The following BMPER variants were observed in gnomAD, a reference collection of about 807,000 sequenced individuals.
The protein encoded by BMPER is BMP binding endothelial regulator, also known as BMP-binding endothelial regulator protein.
A neutral mutation model predicts 87.3 loss-of-function variants in BMPER; 45 were observed. The ratio of observed to expected loss-of-function variants is 0.52; its 90% CI spans 0.41 to 0.66. The LOEUF (loss-of-function observed/expected upper bound fraction) is 0.66. Ranked by LOEUF, BMPER falls within the 30% of genes least tolerant of loss-of-function variation. The probability of loss-of-function intolerance (pLI) is 0.00; values close to 1 mark genes in which losing one functional copy is unlikely to be tolerated. For missense variants in BMPER, 784 were observed against 867.5 expected (o/e 0.90, Z 1.21); for synonymous variants, 326 against 316.2 (o/e 1.03, Z -0.33).
intron 9 of BMPER, among the ~76,000 whole-genome samples, chr7:34,057,254 T>C (rs1360253218): frequency 1.3e-5 from 2 of 152,180 alleles, no homozygotes; most frequent in Non-Finnish European, 2.9e-5. Context: ...TGATCTTTTT[T>C]ACCCACAAGC....
intron 6 of BMPER, among the ~76,000 whole-genome samples, chr7:34,037,630 T>C (rs1787715705): frequency 1.3e-5 from 2 of 152,196 alleles, no homozygotes; most frequent in South Asian, 4.1e-4. Context: ...ACTTAAGGGG[T>C]TGGTGCTGGC....
At chr7:34,019,512 A>T (rs1787124445) in intron 6 of BMPER, among the ~76,000 whole-genome samples, 1 of 152,060 alleles carries the variant, frequency 6.6e-6, no homozygotes, top group Non-Finnish European at 1.5e-5. Context: ...GAGCTCATGC[A>T]GCCTTCATGG....
chr7:34,031,995 A>G (rs931752317), intron 6 of BMPER, among the ~76,000 whole-genome samples: 3 of 140,346 alleles, frequency 2.1e-5, no homozygotes, highest in South Asian at 2.2e-4. Context: ...ATAAATATAT[A>G]TGTGTGTGTG....
At chr7:34,056,514 T>TCATATGTC (rs2127962544) in intron 9 of BMPER, among the ~76,000 whole-genome samples, 1 of 152,142 alleles carries the variant, frequency 6.6e-6, no homozygotes, top group Non-Finnish European at 1.5e-5. Flanking sequence ...TCAGAGATGC[T>TCATATGTC]CATATGTCCT....
chr7:33,949,147 A>G (rs947072620), intron 3 of BMPER, among the ~76,000 whole-genome samples: 10 of 150,396 alleles, frequency 6.6e-5, no homozygotes, highest in Admixed American at 6.0e-4. Context: ...CCTCAACTCA[A>G]TTTTTTTTTT....
chr7:33,926,982 C>T (rs1037765447), intron 2 of BMPER, among the ~76,000 whole-genome samples: 1 of 152,252 alleles, frequency 6.6e-6, no homozygotes, highest in Non-Finnish European at 1.5e-5. Context: ...GGATCCAGCT[C>T]TAAAGCTGAT....
At chr7:33,983,733 A>G (rs1357548751) in intron 6 of BMPER, among the ~76,000 whole-genome samples, 2 of 152,146 alleles carry the variant, frequency 1.3e-5, no homozygotes, top group African/African-American at 4.8e-5. Context: ...CAACCAGTGT[A>G]ATTTTGAGAT....
intron 9 of BMPER, 145 bp downstream of exon 9, chr7:34,055,448 T>A: frequency 1.8e-5 from 19 of 1,027,076 alleles, no homozygotes; most frequent in Non-Finnish European, 2.8e-5. Context: ...TAGAATGTAT[T>A]TATATTACAG....
In BMPER at chr7:34,138,450, C is replaced by G. The variant is rs184766443; in HGVS notation, c.1746-4780C>G. Among the ~76,000 whole-genome samples the G allele has an allele frequency of 3.3e-4, 50 of 152,304 alleles. 1 individual carries two copies. In the East Asian group the frequency reaches 8.5e-3, roughly 26 times the overall value. On this transcript the variant is annotated intron_variant, in intron 13 of 14. Transcript: ENST00000649409. ...GACAAAGCGCTGCCCAGCCTGGTGCCAGCTCCCTGGGCCCCTGCAGCAGCT... is the reference window on the plus strand; with the variant it reads ...GACAAAGCGCTGCCCAGCCTGGTGCGAGCTCCCTGGGCCCCTGCAGCAGCT...
At chr7:34,139,834 G>A (rs1460244313) in intron 13 of BMPER, among the ~76,000 whole-genome samples, 2 of 151,960 alleles carry the variant, frequency 1.3e-5, no homozygotes, top group South Asian at 2.1e-4. Flanking sequence ...ATCTAGCTCG[G>A]CCCTTATTAT....
In BMPER at chr7:33,936,874, C is replaced by T. The variant is rs140509350; in HGVS notation, c.220-415C>T. ...CACTCTACTATTAAGGATTGTTGGA[C>T]GGCCATGTGAAAATATTTTTGTTCT... is the stretch of plus-strand genomic sequence containing the variant. On this transcript the variant is annotated intron_variant, in intron 2 of 14. Coordinates refer to ENST00000649409, the MANE Select transcript of BMPER (RefSeq NM_001365308.1). Among the ~76,000 whole-genome samples the T allele has an allele frequency of 9.4e-4, 143 of 152,282 alleles. 1 individual carries two copies. The highest frequency in any genetic ancestry group is 3.4e-3 in the Middle Eastern group (1 of 294).
In BMPER at chr7:34,045,652, C is replaced by T. The variant is rs927856997; in HGVS notation, c.577-654C>T. Among the ~76,000 whole-genome samples the T allele has an allele frequency of 5.9e-5, 9 of 152,124 alleles. No homozygotes were observed. In the South Asian group the frequency reaches 1.9e-3, roughly 32 times the overall value. ...AATTAGTGAAAACAGATTTGGATAG[C>T]GTGGTGAATTCAGTGAAATAGTTCT... On this transcript the variant is annotated intron_variant, in intron 6 of 14. Coordinates refer to ENST00000649409, the MANE Select transcript of BMPER (RefSeq NM_001365308.1).
chr7:33,994,038 A>G (rs1305181809), intron 6 of BMPER, among the ~76,000 whole-genome samples: 1 of 152,332 alleles, frequency 6.6e-6, no homozygotes, highest in Admixed American at 6.5e-5. Context: ...TCAGACAGGG[A>G]CATTTAAGTC....
In BMPER at chr7:34,020,260, G is replaced by C. The variant is rs965040164; in HGVS notation, c.577-26046G>C. Among the ~76,000 whole-genome samples, 7 of 152,066 alleles carry C rather than the reference G, an allele frequency of 4.6e-5. No homozygotes were observed. The East Asian group carries it at 1.2e-3, about 25-fold the overall frequency. On this transcript the variant is annotated intron_variant, in intron 6 of 14. Coordinates refer to ENST00000649409, the MANE Select transcript of BMPER (RefSeq NM_001365308.1). Reference sequence around the variant, plus strand: ...AGACTTCCCTGCAGTATAAACCGTGGATATGGAAGTAAAGTAATGGCAAAT... The same window carrying C: ...AGACTTCCCTGCAGTATAAACCGTGCATATGGAAGTAAAGTAATGGCAAAT...
intron 3 of BMPER, among the ~76,000 whole-genome samples, chr7:33,947,611 C>A (rs754490909): frequency 3.9e-5 from 6 of 152,046 alleles, no homozygotes; most frequent in Non-Finnish European, 8.8e-5. Context: ...ACATCAATTT[C>A]CAAAATGAGG....
At chr7:34,000,156 A>G (rs775738593) in intron 6 of BMPER, among the ~76,000 whole-genome samples, 27 of 152,334 alleles carry the variant, frequency 1.8e-4, no homozygotes, top group Admixed American at 3.3e-4. Context: ...AAGGGTTAGG[A>G]ACAGTGTGAC....
chr7:33,925,421 A>ACT (rs1330862241), intron 2 of BMPER, among the ~76,000 whole-genome samples: 4 of 152,218 alleles, frequency 2.6e-5, no homozygotes, highest in African/African-American at 9.6e-5. Context: ...GTCTCCAATG[A>ACT]ACACTAATGT....
At chr7:34,007,868 G>A (rs1309538555) in intron 6 of BMPER, among the ~76,000 whole-genome samples, 1 of 151,852 alleles carries the variant, frequency 6.6e-6, no homozygotes, top group Non-Finnish European at 1.5e-5. Context: ...AATTGTTTTA[G>A]GGTACTGTGA....
intron 2 of BMPER, among the ~76,000 whole-genome samples, chr7:33,932,804 GA>G (rs377548823): frequency 4.1e-4 from 62 of 149,722 alleles, no homozygotes; most frequent in Middle Eastern, 3.5e-3. Context: ...AAGAATCTTT[GA>G]AAAAAAAAAT....
Sources: gnomAD v4.1 joint callset for allele counts (sites outside exome capture counted in the v4.1 genomes callset) on GRCh38, gnomAD v4.1.1 for gene constraint, MANE v1.5 for transcripts, NCBI Gene and HGNC (gene_info 2026-07-23, HGNC 2026-07-21) for gene names.